The following TRAM1 variants were observed in gnomAD, a reference collection of about 807,000 sequenced individuals.
TRAM1 encodes translocation associated membrane protein 1.
Under a neutral mutation model 48.7 loss-of-function variants are expected in TRAM1, and 17 were observed. The observed-to-expected ratio is 0.35, with a 90% CI of 0.24 to 0.52. The LOEUF (loss-of-function observed/expected upper bound fraction) is 0.52, where lower values mean the gene tolerates loss of function less well. Among genes scored for constraint, TRAM1 ranks in the 20% least tolerant of loss-of-function variants. The pLI, the probability that TRAM1 is intolerant of heterozygous loss-of-function variation, is 0.94. For synonymous variants in TRAM1, 182 were observed against 154.0 expected, an observed-to-expected ratio of 1.18 and a Z score of -1.34; for missense variants, 351 against 441.5, an observed-to-expected ratio of 0.79 and a Z score of 1.84.
intron 2 of TRAM1, among the ~76,000 whole-genome samples, chr8:70,599,142 C>T (rs887096665): frequency 6.6e-6 from 1 of 152,078 alleles, no homozygotes; most frequent in African/African-American, 2.4e-5. Flanking sequence ...CTTGTAGTCC[C>T]ACCTACTTGG....
chr8:70,580,878 G>A (rs1817060860), intron 10 of TRAM1, among the ~76,000 whole-genome samples: 1 of 152,146 alleles, frequency 6.6e-6, no homozygotes, highest in African/African-American at 2.4e-5. Context: ...TAAGAAGATG[G>A]TTCTATTTTA....
At chr8:70,585,973 C>T (rs1296918858) in intron 8 of TRAM1, among the ~76,000 whole-genome samples, 13 of 150,490 alleles carry the variant, frequency 8.6e-5, no homozygotes, top group Admixed American at 6.0e-4. Flanking sequence ...CACATGCACA[C>T]GTATGTTTAT....
chr8:70,587,369 G>C (rs1817246277), intron 6 of TRAM1, 193 bp from the exon 7 acceptor site: 5 of 532,276 alleles, frequency 9.4e-6, no homozygotes, highest in African/African-American at 3.8e-5. Context: ...TGTTCTTTAA[G>C]AGTAAGTGAA....
At chr8:70,576,945 G>T (rs866492170) in intron 10 of TRAM1, among the ~76,000 whole-genome samples, 1 of 152,222 alleles carries the variant, frequency 6.6e-6, no homozygotes, top group Non-Finnish European at 1.5e-5. Context: ...GAGTGAAGGT[G>T]AGACTGACCC....
In TRAM1 at chr8:70,608,397, C is replaced by A. The variant is rs575631632; in HGVS notation, c.-198G>T. ...GGAAAAAAAAAAACACAACAGCTAG[C>A]CCGCAGCGGGGGCGAGCATGCGCAC... On this transcript the variant is annotated 5_prime_UTR_variant, in exon 1 of 11. Transcript: ENST00000262213. 518 of 500,844 alleles carry A rather than the reference C, an allele frequency of 1.0e-3. 3 individuals carry two copies. The highest frequency in any genetic ancestry group is 9.5e-4 in the Non-Finnish European group (294 of 309,848). The allele number at this position is 500,844 out of a possible 1,614,324, so 31.0% of individuals were successfully genotyped here. A position where few individuals can be genotyped will look rare whatever the true frequency, so the allele number is the denominator to read the frequency against.
chr8:70,577,224 C>G (rs1816975751), intron 10 of TRAM1, among the ~76,000 whole-genome samples: 1 of 152,094 alleles, frequency 6.6e-6, no homozygotes, highest in Non-Finnish European at 1.5e-5. Flanking sequence ...CTGTAGGCAC[C>G]CCTTGGCATG....
rs145093693 is a variant in TRAM1 at position 70,583,314 on chromosome 8, G to A, written c.901C>T (p.Leu301=). 1.6e-4 allele frequency: 265 copies of A among 1,613,164 alleles called. 5 individuals carry two copies. The East Asian group carries it at 5.9e-3, about 36-fold the overall frequency. The change falls in exon 10 of 11, where the codon CTG becomes TTG. Residue 301 remains leucine, a synonymous_variant. Transcript: ENST00000262213. ...FNVLAVRIAV[L]ASICVTQAFM... ...GCCTGAGTAACGCAAATGGATGCCAGAACAGCGATTCTAAGAAATATTAAG... is the reference window on the plus strand; with the variant it reads ...GCCTGAGTAACGCAAATGGATGCCAAAACAGCGATTCTAAGAAATATTAAG...
chr8:70,587,138 G>A lies in TRAM1; in HGVS notation c.609C>T (p.Tyr203=). 9 of 1,614,000 alleles carry A rather than the reference G, an allele frequency of 5.6e-6. No homozygotes were observed. Among genetic ancestry groups the A allele is most frequent in the African/African-American group, 1.3e-5 (1 of 75,040 alleles). ...IPRQLVYIGL[Y]LFHIAGAYLL... ...GGTAAGCTCCAGCAATGTGGAAGAG[G>A]TAAAGACCAATGTAGACAAGCTGAC... Residue 203 remains tyrosine (Y), a synonymous_variant, in exon 7 of 11, where the codon TAC becomes TAT. Coordinates refer to ENST00000262213, the MANE Select transcript of TRAM1 (RefSeq NM_014294.6).
At chr8:70,587,716 C>G (rs1477964612) in intron 6 of TRAM1, 1 of 152,408 alleles carries the variant, frequency 6.6e-6, no homozygotes, top group African/African-American at 2.4e-5. Context: ...ACATTTTCAG[C>G]TCATGCTTTA....
At chr8:70,577,287 T>C (rs972374144) in intron 10 of TRAM1, among the ~76,000 whole-genome samples, 1 of 151,980 alleles carries the variant, frequency 6.6e-6, no homozygotes, top group African/African-American at 2.4e-5. Context: ...GGCAGACAGG[T>C]TCCTGGGCAG....
Position 70,608,162 on chromosome 8 carries a change from A to G in TRAM1, c.38T>C (p.Val13Ala). 1.9e-6 allele frequency: 3 copies of G among 1,595,354 alleles called. No individual in the cohort carries two copies. Among genetic ancestry groups the G allele is most frequent in the Non-Finnish European group, 2.6e-6 (3 of 1,172,184 alleles). ...IRKKSTKSPP[V>A]LSHEFVLQNH... Reference sequence around the variant, plus strand: ...CTGCAGGACGAATTCGTGGCTCAGCACTGGGGGGCTCTTGGTGCTTTTCTT... The same window carrying G: ...CTGCAGGACGAATTCGTGGCTCAGCGCTGGGGGGCTCTTGGTGCTTTTCTT... The change falls in exon 1 of 11, where the codon GTG becomes GCG. Residue 13 changes from valine (V) to alanine (A), a missense_variant. Val to Ala is a moderately conservative substitution (Grantham distance 64, BLOSUM62 0). Transcript: ENST00000262213.
chr8:70,601,435 A>C (rs1166889417), intron 1 of TRAM1, among the ~76,000 whole-genome samples: 2 of 152,108 alleles, frequency 1.3e-5, no homozygotes, highest in African/African-American at 4.8e-5. Context: ...CCTTTGTTAG[A>C]TTATCTCAGA....
intron 10 of TRAM1, among the ~76,000 whole-genome samples, chr8:70,577,211 G>C (rs1025947762): frequency 6.6e-6 from 1 of 152,144 alleles, no homozygotes; most frequent in African/African-American, 2.4e-5. Context: ...GCTTGGTGTG[G>C]GTCTGTAGGC....
chr8:70,598,257 T>C lies in TRAM1; in HGVS notation c.188-2A>G, dbSNP rs1453757073. On this transcript the variant is annotated splice_acceptor_variant, in intron 2 of 10. Transcript: ENST00000262213. LOFTEE classifies it high-confidence loss of function. ...ACACTGATTCAGTAGCTTGTTCTTC[T>C]GAAGACCAAAAAGGACACAAATACA... 1.9e-6 allele frequency: 3 copies of C among 1,604,694 alleles called. No homozygotes were observed. In the South Asian group the frequency reaches 3.4e-5, roughly 18 times the overall value.
chr8:70,596,450 A>G, intron 4 of TRAM1, 129 bp from the exon 5 acceptor site: 1 of 544,468 alleles, frequency 1.8e-6, no homozygotes. Flanking sequence ...TAATGTCAAA[A>G]TCCTTAGTTG....
At chr8:70,587,081 A>C in intron 7 of TRAM1, 25 bp downstream of exon 7, 1 of 1,613,438 alleles carries the variant, frequency 6.2e-7, no homozygotes, top group South Asian at 1.1e-5. Flanking sequence ...GCCTACTTAC[A>C]CACCCATGAA....
rs1477044966 is a variant in TRAM1, at chr8:70,585,108, C to G, written c.747-1315G>C. Among the ~76,000 whole-genome samples, 5 of 152,220 alleles carry G rather than the reference C, an allele frequency of 3.3e-5. No homozygotes were observed. In the East Asian group the frequency reaches 9.6e-4, roughly 29 times the overall value. On this transcript the variant is annotated intron_variant, in intron 8 of 10. Coordinates refer to ENST00000262213, the MANE Select transcript of TRAM1 (RefSeq NM_014294.6). ...TATAGATCAATGGAACAGAACAGAG[C>G]CCTCAGAAATAATGCTGCATATCTA...
intron 10 of TRAM1, among the ~76,000 whole-genome samples, chr8:70,582,022 G>C (rs149774530): frequency 3.9e-5 from 6 of 152,256 alleles, no homozygotes; most frequent in African/African-American, 1.4e-4. Flanking sequence ...AAATATTCTG[G>C]AATTAGATAG....
At chr8:70,587,861 C>T (rs979058940) in intron 6 of TRAM1, among the ~76,000 whole-genome samples, 3 of 151,948 alleles carry the variant, frequency 2.0e-5, no homozygotes, top group Admixed American at 6.6e-5. Context: ...TTTTTTTCTC[C>T]CACAGTTATC....
Sources: allele counts gnomAD v4.1 joint callset (sites outside exome capture counted in the v4.1 genomes callset), GRCh38; gene constraint gnomAD v4.1.1; transcripts MANE v1.5; gene names NCBI Gene and HGNC (gene_info 2026-07-23, HGNC 2026-07-21).